The following RBM15B variants were observed in gnomAD, a reference collection of about 807,000 sequenced individuals.
The protein encoded by RBM15B is RNA binding motif protein 15B.
In RBM15B, 11 loss-of-function variants were observed where a neutral mutation model predicts 53.3. The ratio of observed to expected loss-of-function variants is 0.21; its 90% CI spans 0.13 to 0.34. The LOEUF (loss-of-function observed/expected upper bound fraction) is 0.34. Among genes scored for constraint, RBM15B ranks in the 10% least tolerant of loss-of-function variants. The pLI is 1.00. For synonymous variants in RBM15B, 631 were observed against 540.7 expected (o/e 1.17, Z -2.32); for missense variants, 1,136 against 1,250.3 (o/e 0.91, Z 1.38).
rs1376116702 is a variant in RBM15B at position 51,391,675 on chromosome 3, C to T, written c.276C>T (p.Gly92=). The T allele has an allele frequency of 3.3e-5, 40 of 1,214,790 alleles. 1 individual carries two copies. The South Asian group carries it at 9.6e-4, about 29-fold the overall frequency. 75.3% of individuals were successfully genotyped at this position (1,214,790 alleles called of 1,614,324 possible). ...GCTCCTCGGGCTCCGGCGCTGGCGG[C>T]GGGGGACGCGGCGGCAAGGCCTCGG... The part of the protein sequence containing the change: ...SGRSSGSGAG[G]GGRGGKASGD... The change falls in exon 1 of 1, where the codon GGC becomes GGT. Residue 92 remains glycine (G), a synonymous_variant. Coordinates refer to ENST00000563281, the MANE Select transcript of RBM15B (RefSeq NM_013286.5). This position sits in a 1 kb window ranked among gnomAD's most constrained non-coding sequence, Gnocchi z 4.5.
At position 51,394,406 on chromosome 3, in the gene RBM15B, A is replaced by G. The variant is rs563988569; in HGVS notation, c.*334A>G. On this transcript the variant is annotated 3_prime_UTR_variant, in exon 1 of 1. Transcript: ENST00000563281. ...AGAGGATGGATTTTTAAACCTGTTCAGAGTCCTGGTTTAATCAATCAAGCT... is the reference window on the plus strand; with the variant it reads ...AGAGGATGGATTTTTAAACCTGTTCGGAGTCCTGGTTTAATCAATCAAGCT... The G allele has an allele frequency of 1.8e-4, 39 of 213,110 alleles. No homozygotes were observed. The highest frequency in any genetic ancestry group is 8.7e-4 in the African/African-American group (38 of 43,476). 13.2% of individuals were successfully genotyped at this position (213,110 alleles called of 1,614,324 possible).
rs1553622458 is a variant in RBM15B at position 51,395,265 on chromosome 3, ATAAT to A, written c.*1198_*1201del. 7.8e-5 allele frequency: 13 copies of A among 167,058 alleles called. No homozygotes were observed. The highest frequency in any genetic ancestry group is 1.9e-4 in the African/African-American group (8 of 41,442). 10.3% of individuals were successfully genotyped at this position (167,058 alleles called of 1,614,324 possible). A position where few individuals can be genotyped will look rare whatever the true frequency, so the allele number is the denominator to read the frequency against. On this transcript the variant is annotated 3_prime_UTR_variant, in exon 1 of 1. Coordinates refer to ENST00000563281, the MANE Select transcript of RBM15B (RefSeq NM_013286.5). ...ATGCCGAGGTGGAGACCATTGGGAAATAATTAATAGATATTTTTCTGGGGGGAAA... is the reference window on the plus strand; with the variant it reads ...ATGCCGAGGTGGAGACCATTGGGAAATAATAGATATTTTTCTGGGGGGAAA...
chr3:51,392,828 C>T lies in RBM15B; in HGVS notation c.1429C>T (p.Pro477Ser), dbSNP rs782659835. The T allele has an allele frequency of 6.2e-7, 1 of 1,614,078 alleles. No individual in the cohort carries two copies. The highest frequency in any genetic ancestry group is 8.5e-7 in the Non-Finnish European group (1 of 1,180,050). ...CGCCTGTGCTAAAATGAGGGGTTTT[C>T]CCTTGGGTGGACCAGACCGCAGGCT... is the stretch of plus-strand genomic sequence containing the variant. Reference protein sequence around the residue: ...QAACAKMRGFPLGGPDRRLRV... With the variant: ...QAACAKMRGFSLGGPDRRLRV... Residue 477 changes from proline (P) to serine (S), a missense_variant, in exon 1 of 1, where the codon CCC becomes TCC. Around this residue, in one of 7 missense-constraint regions of RBM15B, gnomAD observed 578 missense variants for 581.6 expected, o/e 0.99. Coordinates refer to ENST00000563281, the MANE Select transcript of RBM15B (RefSeq NM_013286.5). This position sits in a 1 kb window ranked among gnomAD's most constrained non-coding sequence, Gnocchi z 7.5.
Position 51,393,185 on chromosome 3 carries a change from C to T in RBM15B, c.1786C>T (p.Arg596Trp), listed in dbSNP as rs782771704. The change falls in exon 1 of 1, where the codon CGG becomes TGG. Residue 596 changes from arginine to tryptophan, a missense_variant. Physicochemically the swap from Arg to Trp is moderately radical, Grantham distance 101. Around this residue, in one of 7 missense-constraint regions of RBM15B, gnomAD observed 578 missense variants for 581.6 expected, o/e 0.99. Coordinates refer to ENST00000563281, the MANE Select transcript of RBM15B (RefSeq NM_013286.5). This position sits in a 1 kb window ranked among gnomAD's most constrained non-coding sequence, Gnocchi z 5.6. ...CAAGCCCTGGGAAGAGAGGCGGAAACGGAGAAGCCTTTCCAGTGACCGTGG... is the reference window on the plus strand; with the variant it reads ...CAAGCCCTGGGAAGAGAGGCGGAAATGGAGAAGCCTTTCCAGTGACCGTGG... ...LPKPWEERRK[R>W]RSLSSDRGRT... 10 of 1,613,798 alleles carry T rather than the reference C, an allele frequency of 6.2e-6. No individual in the cohort carries two copies. In the East Asian group the frequency reaches 1.6e-4, roughly 25 times the overall value.
Position 51,393,990 on chromosome 3 carries a change from A to G in RBM15B, c.2591A>G (p.Gln864Arg). 1 of 1,513,204 alleles carries G rather than the reference A, an allele frequency of 6.6e-7. No homozygotes were observed. The highest frequency in any genetic ancestry group is 8.8e-7 in the Non-Finnish European group (1 of 1,131,544). The allele number at this position is 1,513,204 out of a possible 1,614,324, so 93.7% of individuals were successfully genotyped here. ...YAFPPCDFSQ[Q>R]YLQSALRTLG... is the part of the protein sequence containing the mutation. ...TTCCCACCCTGCGACTTTTCCCAGC[A>G]GTACCTCCAGTCAGCACTAAGGACA... is the stretch of plus-strand genomic sequence containing the variant. Residue 864 changes from glutamine to arginine, a missense_variant, in exon 1 of 1, where the codon CAG becomes CGG. Gln to Arg is a conservative substitution (Grantham distance 43). This residue lies in a region of RBM15B where 578 missense variants were observed against 581.6 expected (regional missense o/e 0.99). Coordinates refer to ENST00000563281, the MANE Select transcript of RBM15B (RefSeq NM_013286.5). This position sits in a 1 kb window ranked among gnomAD's most constrained non-coding sequence, Gnocchi z 5.6.
chr3:51,391,413 G>A lies in RBM15B; in HGVS notation c.14G>A (p.Ser5Asn). ...CGCGCCAGCGCCATGAAGCGGCAGA[G>A]CGAGCGAGACTCTAGCCCGAGCGGG... MKRQ[S>N]ERDSSPSGRG... The change falls in exon 1 of 1, where the codon AGC becomes AAC. Residue 5 changes from serine to asparagine, a missense_variant. Physicochemically the swap from Ser to Asn is conservative, Grantham distance 46. Coordinates refer to ENST00000563281, the MANE Select transcript of RBM15B (RefSeq NM_013286.5). This position sits in a 1 kb window ranked among gnomAD's most constrained non-coding sequence, Gnocchi z 4.5. The A allele has an allele frequency of 1.6e-6, 2 of 1,254,866 alleles. No homozygotes were observed. The highest frequency in any genetic ancestry group is 2.6e-5 in the South Asian group (1 of 38,558). 77.7% of individuals were successfully genotyped at this position (1,254,866 alleles called of 1,614,324 possible). A position where few individuals can be genotyped will look rare whatever the true frequency, so the allele number is the denominator to read the frequency against.
In RBM15B at chr3:51,394,247, G is replaced by A; in HGVS notation, c.*175G>A. On this transcript the variant is annotated 3_prime_UTR_variant, in exon 1 of 1. Transcript: ENST00000563281. ...AAAACTAAGTTCTTAGATTTTGGGG[G>A]ATTTTTTTTTTTAAACGATGAGAAG... 2 of 974,250 alleles carry A rather than the reference G, an allele frequency of 2.1e-6. No individual in the cohort carries two copies. The highest frequency in any genetic ancestry group is 2.7e-6 in the Non-Finnish European group (2 of 740,920). 60.4% of individuals were successfully genotyped at this position (974,250 alleles called of 1,614,324 possible). A position where few individuals can be genotyped will look rare whatever the true frequency, so the allele number is the denominator to read the frequency against.
Position 51,396,203 on chromosome 3 carries a change from G to C in RBM15B, c.*2131G>C. The C allele has an allele frequency of 2.9e-6, 1 of 346,334 alleles. No individual in the cohort carries two copies. Among genetic ancestry groups the C allele is most frequent in the Non-Finnish European group, 5.4e-6 (1 of 184,124 alleles). The allele number at this position is 346,334 out of a possible 1,614,324, so 21.5% of individuals were successfully genotyped here. ...ATCTACCTCCCAGCTTTGTGAGACA[G>C]AACCAAGTAAAAGGAAACATGCTAG... On this transcript the variant is annotated 3_prime_UTR_variant, in exon 1 of 1. Transcript: ENST00000563281.
At position 51,393,293 on chromosome 3, in the gene RBM15B, C is replaced by T; in HGVS notation, c.1894C>T (p.Pro632Ser). The T allele has an allele frequency of 6.2e-7, 1 of 1,610,612 alleles. No individual in the cohort carries two copies. Among genetic ancestry groups the T allele is most frequent in the South Asian group, 1.1e-5 (1 of 90,876 alleles). Residue 632 changes from proline (P) to serine (S), a missense_variant, in exon 1 of 1, where the codon CCT becomes TCT. Pro to Ser is a moderately conservative substitution (Grantham distance 74). This residue lies in a region of RBM15B where 578 missense variants were observed against 581.6 expected (regional missense o/e 0.99). Coordinates refer to ENST00000563281, the MANE Select transcript of RBM15B (RefSeq NM_013286.5). The surrounding 1 kb of genome is among the most constrained non-coding windows in gnomAD (Gnocchi z 5.6). ...GTCAGAGCGGGGCTCCGACCGCACC[C>T]CTGAGCGCAGCCGCAAGGAGAACCA... ...QQSERGSDRT[P>S]ERSRKENHSS... is the part of the protein sequence containing the mutation.
At position 51,395,422 on chromosome 3, in the gene RBM15B, C is replaced by G. The variant is rs529395722; in HGVS notation, c.*1350C>G. On this transcript the variant is annotated 3_prime_UTR_variant, in exon 1 of 1. Coordinates refer to ENST00000563281, the MANE Select transcript of RBM15B (RefSeq NM_013286.5). Reference sequence around the variant, plus strand: ...GGGAAGAAGGGTGAGATTCCGTCTTCTTCCCTGTCTCAAGTAAGTAAGGAA... The same window carrying G: ...GGGAAGAAGGGTGAGATTCCGTCTTGTTCCCTGTCTCAAGTAAGTAAGGAA... The G allele has an allele frequency of 5.4e-6, 1 of 184,964 alleles. No individual in the cohort carries two copies. The highest frequency in any genetic ancestry group is 2.4e-5 in the African/African-American group (1 of 42,284). 11.5% of individuals were successfully genotyped at this position (184,964 alleles called of 1,614,324 possible).
Position 51,395,825 on chromosome 3 carries a change from C to T in RBM15B, c.*1753C>T, listed in dbSNP as rs573489619. ...GGTGATGTGGAATGGACAGGTGCCT[C>T]GCAAGAGAGCAAGCACGTTCATAAC... is the stretch of plus-strand genomic sequence containing the variant. On this transcript the variant is annotated 3_prime_UTR_variant, in exon 1 of 1. Coordinates refer to ENST00000563281, the MANE Select transcript of RBM15B (RefSeq NM_013286.5). The T allele has an allele frequency of 5.6e-5, 23 of 413,480 alleles. No individual in the cohort carries two copies. The highest frequency in any genetic ancestry group is 9.3e-5 in the Non-Finnish European group (21 of 226,158). 25.6% of individuals were successfully genotyped at this position (413,480 alleles called of 1,614,324 possible).
Position 51,396,949 on chromosome 3 carries a change from T to G in RBM15B, c.*2877T>G. 1.2e-5 allele frequency: 2 copies of G among 167,098 alleles called. No individual in the cohort carries two copies. The allele number at this position is 167,098 out of a possible 1,614,324, so 10.4% of individuals were successfully genotyped here. On this transcript the variant is annotated 3_prime_UTR_variant, in exon 1 of 1. Transcript: ENST00000563281. ...GCGAGGCATGAAGCAAAGAGCTGAGTGAGTCCTCTGCTCTCCAGAGGACCA... is the reference window on the plus strand; with the variant it reads ...GCGAGGCATGAAGCAAAGAGCTGAGGGAGTCCTCTGCTCTCCAGAGGACCA...
chr3:51,392,913 C>T lies in RBM15B; in HGVS notation c.1514C>T (p.Pro505Leu). The T allele has an allele frequency of 9.3e-6, 15 of 1,613,934 alleles. No homozygotes were observed. Among genetic ancestry groups the T allele is most frequent in the Non-Finnish European group, 1.3e-5 (15 of 1,180,046 alleles). The change falls in exon 1 of 1, where the codon CCA becomes CTA. Residue 505 changes from proline (P) to leucine (L), a missense_variant. Physicochemically the swap from Pro to Leu is moderately conservative, Grantham distance 98. Transcript: ENST00000563281. The surrounding 1 kb of genome is among the most constrained non-coding windows in gnomAD (Gnocchi z 7.5). ...TRYPQQYQPS[P>L]LPVHYELLTD... The stretch of plus-strand genomic sequence containing the variant: ...TACCCCCAGCAGTACCAGCCCTCGC[C>T]ACTCCCTGTGCATTATGAGCTGCTC...
rs979828639 is a variant in RBM15B at position 51,391,329 on chromosome 3, C to T, written c.-71C>T. On this transcript the variant is annotated 5_prime_UTR_variant, in exon 1 of 1. Transcript: ENST00000563281. This position sits in a 1 kb window ranked among gnomAD's most constrained non-coding sequence, Gnocchi z 4.5. ...AAGATGGCGGCGCCGGGGGCGCTGC[C>T]TCCTCGGCCGCCGCCTCCGCCGCCG... 3 of 1,155,244 alleles carry T rather than the reference C, an allele frequency of 2.6e-6. No homozygotes were observed. Among genetic ancestry groups the T allele is most frequent in the Non-Finnish European group, 3.2e-6 (3 of 935,386 alleles). The allele number at this position is 1,155,244 out of a possible 1,614,324, so 71.6% of individuals were successfully genotyped here. A position where few individuals can be genotyped will look rare whatever the true frequency, so the allele number is the denominator to read the frequency against.
rs2089109358 is a variant in RBM15B, at chr3:51,394,553, A to ATTTACACT, written c.*481_*482insTTTACACT. On this transcript the variant is annotated 3_prime_UTR_variant, in exon 1 of 1. Coordinates refer to ENST00000563281, the MANE Select transcript of RBM15B (RefSeq NM_013286.5). ...TTCAGGCTCAGTCTGGACTCTACTT[A>ATTTACACT]CACTCATTTTTATCTTGGCTGACAG... 6.0e-6 allele frequency: 1 copy of ATTTACACT among 167,130 alleles called. No individual in the cohort carries two copies. Among genetic ancestry groups the ATTTACACT allele is most frequent in the African/African-American group, 2.4e-5 (1 of 41,330 alleles). The allele number at this position is 167,130 out of a possible 1,614,324, so 10.4% of individuals were successfully genotyped here. A position where few individuals can be genotyped will look rare whatever the true frequency, so the allele number is the denominator to read the frequency against.
chr3:51,391,357 G>A lies in RBM15B; in HGVS notation c.-43G>A. 1 of 1,188,632 alleles carries A rather than the reference G, an allele frequency of 8.4e-7. No individual in the cohort carries two copies. Among genetic ancestry groups the A allele is most frequent in the Non-Finnish European group, 1.0e-6 (1 of 961,986 alleles). The allele number at this position is 1,188,632 out of a possible 1,614,324, so 73.6% of individuals were successfully genotyped here. A position where few individuals can be genotyped will look rare whatever the true frequency, so the allele number is the denominator to read the frequency against. On this transcript the variant is annotated 5_prime_UTR_variant, in exon 1 of 1. Coordinates refer to ENST00000563281, the MANE Select transcript of RBM15B (RefSeq NM_013286.5). This position sits in a 1 kb window ranked among gnomAD's most constrained non-coding sequence, Gnocchi z 4.5. Reference sequence around the variant, plus strand: ...CTCGGCCGCCGCCTCCGCCGCCGCCGCTGTGAGAAACCTACGGGCCGCCCG... The same window carrying A: ...CTCGGCCGCCGCCTCCGCCGCCGCCACTGTGAGAAACCTACGGGCCGCCCG...
rs1553621997 is a variant in RBM15B at position 51,393,548 on chromosome 3, A to C, written c.2149A>C (p.Thr717Pro). The change falls in exon 1 of 1, where the codon ACA becomes CCA. Residue 717 changes from threonine to proline, a missense_variant. Physicochemically the swap from Thr to Pro is conservative, Grantham distance 38. Around this residue, in one of 7 missense-constraint regions of RBM15B, gnomAD observed 578 missense variants for 581.6 expected, o/e 0.99. Coordinates refer to ENST00000563281, the MANE Select transcript of RBM15B (RefSeq NM_013286.5). This position sits in a 1 kb window ranked among gnomAD's most constrained non-coding sequence, Gnocchi z 5.6. ...GAAGAATCTTTCAGAGTACGCTCAG[A>C]CACTACAGCTGGGTTGGAATGGGCT... The part of the protein sequence containing the change: ...KLKNLSEYAQ[T>P]LQLGWNGLLV... 39 of 1,614,200 alleles carry C rather than the reference A, an allele frequency of 2.4e-5. No individual in the cohort carries two copies. The highest frequency in any genetic ancestry group is 3.2e-5 in the Non-Finnish European group (38 of 1,180,044).
Position 51,392,729 on chromosome 3 carries a change from A to G in RBM15B, c.1330A>G (p.Ile444Val). The part of the protein sequence containing the change: ...LAREFDRFGS[I>V]RTIDHVKGDS... ...CCGAGAGTTTGACCGCTTTGGGAGC[A>G]TTCGGACCATTGATCACGTCAAAGG... The change falls in exon 1 of 1, where the codon ATT becomes GTT. Residue 444 changes from isoleucine to valine, a missense_variant. Transcript: ENST00000563281. This position sits in a 1 kb window ranked among gnomAD's most constrained non-coding sequence, Gnocchi z 7.5. The G allele has an allele frequency of 6.2e-7, 1 of 1,614,224 alleles. No homozygotes were observed. Among genetic ancestry groups the G allele is most frequent in the Non-Finnish European group, 8.5e-7 (1 of 1,180,050 alleles).
In RBM15B at chr3:51,391,704, A is replaced by T. The variant is rs782487273; in HGVS notation, c.305A>T (p.Asp102Val). 43 of 1,361,178 alleles carry T rather than the reference A, an allele frequency of 3.2e-5. No individual in the cohort carries two copies. The highest frequency in any genetic ancestry group is 3.8e-5 in the Non-Finnish European group (41 of 1,064,994). The allele number at this position is 1,361,178 out of a possible 1,614,324, so 84.3% of individuals were successfully genotyped here. A position where few individuals can be genotyped will look rare whatever the true frequency, so the allele number is the denominator to read the frequency against. The change falls in exon 1 of 1, where the codon GAC becomes GTC. Residue 102 changes from aspartate (D) to valine (V), a missense_variant. Asp to Val is a radical substitution (Grantham distance 152). Transcript: ENST00000563281. The surrounding 1 kb of genome is among the most constrained non-coding windows in gnomAD (Gnocchi z 4.5). The stretch of plus-strand genomic sequence containing the variant: ...GGACGCGGCGGCAAGGCCTCGGGGG[A>T]CCCGGGCGCCTCCGGCATGTCGCCC... ...GGGRGGKASG[D>V]PGASGMSPRA...
Sources: allele counts gnomAD v4.1 joint callset, GRCh38; gene constraint gnomAD v4.1.1; regional missense constraint gnomAD v4.1.1; non-coding constraint Gnocchi (gnomAD v3.1); transcripts MANE v1.5; gene names NCBI Gene and HGNC (gene_info 2026-07-23, HGNC 2026-07-21).